Variants in UBE2Q2 observed in about 807,000 individuals in gnomAD.
UBE2Q2 encodes ubiquitin conjugating enzyme E2 Q2.
In UBE2Q2, 54 loss-of-function variants were observed where a neutral mutation model predicts 59.9. The observed-to-expected ratio is 0.90, with a 90% CI of 0.72 to 1.13. UBE2Q2 has a LOEUF of 1.13. UBE2Q2 is among the 50% of genes most tolerant of loss of function. The pLI is 0.00. For synonymous variants in UBE2Q2, 165 were observed against 155.2 expected (o/e 1.06, Z -0.47); for missense variants, 433 against 441.9 (o/e 0.98, Z 0.18).
intron 1 of UBE2Q2, among the ~76,000 whole-genome samples, chr15:75,849,514 GTTAC>G (rs1393565848): frequency 6.6e-6 from 1 of 152,190 alleles, no homozygotes; most frequent in Non-Finnish European, 1.5e-5. Context: ...GATACAGAAA[GTTAC>G]TTCTAAATAA....
chr15:75,890,633 T>C, intron 10 of UBE2Q2, 150 bp downstream of exon 10: 1 of 768,754 alleles, frequency 1.3e-6, no homozygotes, highest in Non-Finnish European at 2.1e-6. Context: ...ATGAAAAAGG[T>C]AAACCAATAA....
chr15:75,850,747 A>C (rs750017651), intron 1 of UBE2Q2, among the ~76,000 whole-genome samples: 2 of 152,220 alleles, frequency 1.3e-5, no homozygotes, highest in Non-Finnish European at 2.9e-5. Flanking sequence ...AGCAGTTCTC[A>C]AAGTTTTGGG....
At chr15:75,879,047 A>G in intron 7 of UBE2Q2, 51 bp from the exon 8 acceptor site, 1 of 1,406,014 alleles carries the variant, frequency 7.1e-7, no homozygotes. Context: ...TAGTTAAAAA[A>G]AAAAATCTCT....
At chr15:75,890,838 G>A in intron 10 of UBE2Q2, 81 bp from the exon 11 acceptor site, 2 of 1,193,056 alleles carry the variant, frequency 1.7e-6, no homozygotes, top group African/African-American at 3.0e-5. Flanking sequence ...CTGCTGTTGA[G>A]TTATATACCA....
intron 9 of UBE2Q2, among the ~76,000 whole-genome samples, chr15:75,883,745 G>T (rs1037710318): frequency 2.6e-5 from 4 of 152,006 alleles, no homozygotes; most frequent in Admixed American, 2.0e-4. Flanking sequence ...TGATGCTGTT[G>T]TTCTGGGGCC....
rs116686495 is a variant in UBE2Q2, at chr15:75,853,755, C to A, written c.181-631C>A. On this transcript the variant is annotated intron_variant, in intron 1 of 12. Coordinates refer to ENST00000267938, the MANE Select transcript of UBE2Q2 (RefSeq NM_173469.4). ...CAGGCAGCGAAGTTGTTGGTGGCAG[C>A]TGTGATCATCCTAAGGCAGGATAGG... Among the ~76,000 whole-genome samples the A allele has an allele frequency of 2.5e-3, 376 of 152,286 alleles. 2 individuals carry two copies. The highest frequency in any genetic ancestry group is 8.7e-3 in the African/African-American group (360 of 41,550).
intron 2 of UBE2Q2, among the ~76,000 whole-genome samples, chr15:75,859,260 A>G (rs1897088841): frequency 6.6e-6 from 1 of 152,154 alleles, no homozygotes. Context: ...TTAAGAGCCT[A>G]CTAAATATCA....
At position 75,900,024 on chromosome 15, in the gene UBE2Q2, G is replaced by A. The variant is rs1899668174; in HGVS notation, c.*566G>A. 6.6e-6 allele frequency: 1 copy of A among 152,608 alleles called. No individual in the cohort carries two copies. The highest frequency in any genetic ancestry group is 2.1e-4 in the South Asian group (1 of 4,822). 9.5% of individuals were successfully genotyped at this position (152,608 alleles called of 1,614,324 possible). A position where few individuals can be genotyped will look rare whatever the true frequency, so the allele number is the denominator to read the frequency against. ...TATGTGAAGATATGAATTGTTTCCT[G>A]AAGATAATACTCTTAATTGAGTTGT... On this transcript the variant is annotated 3_prime_UTR_variant, in exon 13 of 13. Transcript: ENST00000267938.
rs1313414730 is a variant in UBE2Q2, at chr15:75,843,664, A to T, written c.-3A>T. ...CGCCCCTCCCGCCGGAGATGAGGGG[A>T]AGATGTCCGTGTCAGGGCTCAAGGC... On this transcript the variant is annotated 5_prime_UTR_variant, in exon 1 of 13. Transcript: ENST00000267938. 1 of 1,585,080 alleles carries T rather than the reference A, an allele frequency of 6.3e-7. No individual in the cohort carries two copies. Among genetic ancestry groups the T allele is most frequent in the East Asian group, 2.4e-5 (1 of 41,464 alleles).
chr15:75,884,014 A>G (rs1166487057), intron 9 of UBE2Q2, among the ~76,000 whole-genome samples: 1 of 152,206 alleles, frequency 6.6e-6, no homozygotes, highest in Non-Finnish European at 1.5e-5. Context: ...TCATGGGAAA[A>G]TCTCATGGAC....
chr15:75,856,290 T>TATATATATATATATAG (rs1896911921), intron 2 of UBE2Q2, among the ~76,000 whole-genome samples: 1 of 148,890 alleles, frequency 6.7e-6, no homozygotes, highest in African/African-American at 2.5e-5. Context: ...TATATATATA[T>TATATATATATATATAG]ATAATGAATT....
intron 10 of UBE2Q2, 141 bp downstream of exon 10, chr15:75,890,624 T>A: frequency 1.3e-6 from 1 of 792,582 alleles, no homozygotes; most frequent in Non-Finnish European, 2.0e-6. Context: ...CTTTCAAGAA[T>A]GAAAAAGGTA....
intron 5 of UBE2Q2, among the ~76,000 whole-genome samples, chr15:75,875,288 A>G (rs1898014571): frequency 3.0e-5 from 1 of 33,450 alleles, no homozygotes; most frequent in Admixed American, 5.5e-4. Context: ...ATGAGCTAGG[A>G]AACTTGATTT....
At position 75,899,554 on chromosome 15, in the gene UBE2Q2, C is replaced by A; in HGVS notation, c.*96C>A. 1 of 990,752 alleles carries A rather than the reference C, an allele frequency of 1.0e-6. No individual in the cohort carries two copies. Among genetic ancestry groups the A allele is most frequent in the South Asian group, 1.5e-5 (1 of 68,684 alleles). 61.4% of individuals were successfully genotyped at this position (990,752 alleles called of 1,614,324 possible). ...TTTGAGTGCCCCTATTACAGCAGTACCGAAGATGTTAGTTAATAGATATTT... is the reference window on the plus strand; with the variant it reads ...TTTGAGTGCCCCTATTACAGCAGTAACGAAGATGTTAGTTAATAGATATTT... On this transcript the variant is annotated 3_prime_UTR_variant, in exon 13 of 13. Coordinates refer to ENST00000267938, the MANE Select transcript of UBE2Q2 (RefSeq NM_173469.4).
chr15:75,863,490 G>C (rs113080321), intron 3 of UBE2Q2, among the ~76,000 whole-genome samples: 1,792 of 150,606 alleles, frequency 0.012, 30 homozygotes, highest in African/African-American at 0.041. Context: ...GTCGCCCAGG[G>C]TGGAGTGCAG....
chr15:75,857,790 A>G (rs1157722252), intron 2 of UBE2Q2, among the ~76,000 whole-genome samples: 5 of 151,110 alleles, frequency 3.3e-5, no homozygotes, highest in African/African-American at 1.2e-4. Flanking sequence ...TTTTTTCCAT[A>G]AGAGCATGTG....
chr15:75,861,503 C>G (rs1307662783), intron 3 of UBE2Q2, among the ~76,000 whole-genome samples: 1 of 152,116 alleles, frequency 6.6e-6, no homozygotes, highest in Non-Finnish European at 1.5e-5. Flanking sequence ...TGGATAGGCT[C>G]TTTCAAATTT....
At chr15:75,898,746 T>A (rs183377042) in intron 12 of UBE2Q2, among the ~76,000 whole-genome samples, 1 of 152,154 alleles carries the variant, frequency 6.6e-6, no homozygotes, top group African/African-American at 2.4e-5. Context: ...AGGATTTTGT[T>A]TGGGGAAATA....
Position 75,877,241 on chromosome 15 carries a change from C to T in UBE2Q2, c.674-720C>T, listed in dbSNP as rs139588585. ...CCGATTCAGGAATTCTTAGCGTGAG[C>T]AAATCAAAATTAATTAGAATTTGCT... On this transcript the variant is annotated intron_variant, in intron 6 of 12. Transcript: ENST00000267938. Among the ~76,000 whole-genome samples the T allele has an allele frequency of 5.8e-3, 860 of 148,208 alleles. 9 individuals carry two copies. The highest frequency in any genetic ancestry group is 0.02 in the African/African-American group (816 of 40,336).
Sources: allele counts gnomAD v4.1 joint callset (sites outside exome capture counted in the v4.1 genomes callset), GRCh38; gene constraint gnomAD v4.1.1; transcripts MANE v1.5; gene names NCBI Gene and HGNC (gene_info 2026-07-23, HGNC 2026-07-21).